Variants in KLF8 observed in about 807,000 individuals in gnomAD.
KLF8 encodes the protein KLF transcription factor 8, also known as Krueppel-like factor 8.
A neutral mutation model predicts 18.2 loss-of-function variants in KLF8; 10 were observed. The observed-to-expected ratio is 0.55, with a 90% CI of 0.34 to 0.93. The LOEUF (loss-of-function observed/expected upper bound fraction) is 0.93. Among genes scored for constraint, KLF8 ranks in the 40% least tolerant of loss-of-function variants. The probability of loss-of-function intolerance (pLI) is 0.02; values close to 1 mark genes in which losing one functional copy is unlikely to be tolerated. For synonymous variants in KLF8, 109 were observed against 97.3 expected, an observed-to-expected ratio of 1.12 and a Z score of -0.71; for missense variants, 264 against 277.9, an observed-to-expected ratio of 0.95 and a Z score of 0.36.
At chrX:56,034,748 C>CTTTTTTTTTT in the KLF8 span, among the ~76,000 whole-genome samples, 30 of 53,816 alleles carry the variant, frequency 5.6e-4, no homozygotes, top group African/African-American at 1.1e-3. Flanking sequence ...GAACTTATTT[C>CTTTTTTTTTT]TTTTTTTTTT....
At chrX:56,224,733 T>A in the KLF8 span, among the ~76,000 whole-genome samples, 1 of 112,191 alleles carries the variant, frequency 8.9e-6, no homozygotes, top group Admixed American at 9.5e-5. Flanking sequence ...GGCTATATAA[T>A]GTCTATCTCT....
chrX:56,084,346 G>C, the KLF8 span, among the ~76,000 whole-genome samples: 4 of 111,032 alleles, frequency 3.6e-5, no homozygotes, highest in Admixed American at 9.6e-5. Context: ...TCACATCACT[G>C]CACTCCAGCC....
chrX:56,017,353 G>T, the KLF8 span, among the ~76,000 whole-genome samples: 2 of 112,352 alleles, frequency 1.8e-5, no homozygotes, highest in Non-Finnish European at 3.8e-5. Context: ...CTCCTTGCTT[G>T]CCTGGTCAGA....
the KLF8 span, among the ~76,000 whole-genome samples, chrX:56,051,638 G>T: frequency 4.4e-3 from 487 of 111,130 alleles, 6 homozygotes; most frequent in South Asian, 0.015. Context: ...TGAGAGATCC[G>T]CTGTTCATCT....
chrX:56,107,577 A>C, the KLF8 span, among the ~76,000 whole-genome samples: 3 of 111,797 alleles, frequency 2.7e-5, no homozygotes. Flanking sequence ...CTGTGGGAAA[A>C]GCACAGTATT....
At chrX:56,001,190 C>T in the KLF8 span, among the ~76,000 whole-genome samples, 1 of 112,240 alleles carries the variant, frequency 8.9e-6, no homozygotes, top group Non-Finnish European at 1.9e-5. Flanking sequence ...GATTCCAACA[C>T]CTGTACAATG....
chrX:55,911,012 C>CCTA, the KLF8 span, among the ~76,000 whole-genome samples: 1 of 111,689 alleles, frequency 9.0e-6, no homozygotes, highest in Non-Finnish European at 1.9e-5. Context: ...CTACTAGTAG[C>CCTA]CTACAATTGA....
chrX:56,197,285 A>T, the KLF8 span, among the ~76,000 whole-genome samples: 4 of 111,551 alleles, frequency 3.6e-5, no homozygotes, highest in Non-Finnish European at 7.5e-5. Context: ...AAACCTTCAA[A>T]AAATCAATGA....
At chrX:56,198,192 C>T in the KLF8 span, among the ~76,000 whole-genome samples, 1 of 112,039 alleles carries the variant, frequency 8.9e-6, no homozygotes, top group Non-Finnish European at 1.9e-5. Context: ...CAAGGATGCC[C>T]TCTCTCAGCA....
At chrX:56,263,324 C>T (rs2066912493) in intron 2 of KLF8, among the ~76,000 whole-genome samples, 1 of 111,746 alleles carries the variant, frequency 8.9e-6, no homozygotes, top group Admixed American at 9.5e-5. Flanking sequence ...AATGTTTGGA[C>T]CACAAACAAG....
chrX:56,145,438 G>A, the KLF8 span, among the ~76,000 whole-genome samples: 2 of 112,370 alleles, frequency 1.8e-5, no homozygotes, highest in African/African-American at 6.4e-5. Flanking sequence ...GGATGGTCCA[G>A]CTATTTCACT....
At chrX:55,909,160 T>G in the KLF8 span, among the ~76,000 whole-genome samples, 1 of 112,262 alleles carries the variant, frequency 8.9e-6, no homozygotes, top group African/African-American at 3.2e-5. Flanking sequence ...CTTGCCTGGC[T>G]TCTTAAAGGG....
the KLF8 span, among the ~76,000 whole-genome samples, chrX:56,089,856 A>C: frequency 8.9e-6 from 1 of 112,655 alleles, no homozygotes; most frequent in African/African-American, 3.2e-5. Flanking sequence ...AGGTTCTCAC[A>C]ATAAAATTCA....
At chrX:56,261,706 A>G (rs935001438) in intron 2 of KLF8, among the ~76,000 whole-genome samples, 4 of 111,324 alleles carry the variant, frequency 3.6e-5, no homozygotes, top group African/African-American at 1.3e-4. Context: ...GTTTTTTTTA[A>G]CCATAGGGAG....
the KLF8 span, among the ~76,000 whole-genome samples, chrX:56,222,626 C>T: frequency 3.9e-4 from 44 of 112,951 alleles, no homozygotes; most frequent in Admixed American, 8.3e-4. Context: ...CTTGGGCGGT[C>T]GATGGGACTG....
the KLF8 span, among the ~76,000 whole-genome samples, chrX:56,227,130 G>T: frequency 9.0e-6 from 1 of 111,688 alleles, no homozygotes; most frequent in African/African-American, 3.3e-5. Flanking sequence ...GTTGGCTTAG[G>T]GGACAGTGAA....
intron 1 of KLF8, among the ~76,000 whole-genome samples, chrX:56,240,704 A>T (rs917999866): frequency 8.9e-6 from 1 of 111,783 alleles, no homozygotes; most frequent in Non-Finnish European, 1.9e-5. Flanking sequence ...AAACTATTTC[A>T]AAGTACAGGG....
the KLF8 span, among the ~76,000 whole-genome samples, chrX:55,946,868 C>T: frequency 1.8e-5 from 2 of 111,376 alleles, no homozygotes; most frequent in South Asian, 3.7e-4. Context: ...TTTATGCAGC[C>T]AAAAAACACA....
At chrX:56,092,801 T>C in the KLF8 span, among the ~76,000 whole-genome samples, 22,690 of 105,924 alleles carry the variant, frequency 0.21, 4,899 homozygotes, top group African/African-American at 0.66. Context: ...AAGAAGAAAA[T>C]ATGCAAGACT....
Sources: gnomAD v4.1 joint callset for allele counts (sites outside exome capture counted in the v4.1 genomes callset) on GRCh38, gnomAD v4.1.1 for gene constraint, MANE v1.5 for transcripts, NCBI Gene and HGNC (gene_info 2026-07-23, HGNC 2026-07-21) for gene names.